The following SYCP2L variants were observed in gnomAD, a reference collection of about 807,000 sequenced individuals.
SYCP2L encodes the protein synaptonemal complex protein 2 like.
A neutral mutation model predicts 125.8 loss-of-function variants in SYCP2L; 98 were observed. That is an observed-to-expected ratio of 0.78 (90% CI 0.66 to 0.92). SYCP2L has a LOEUF of 0.92. SYCP2L is among the 40% of genes least tolerant of loss of function. The pLI is 0.00. For missense variants in SYCP2L, 842 were observed against 936.4 expected, an observed-to-expected ratio of 0.90 and a Z score of 1.32; for synonymous variants, 317 against 325.4, an observed-to-expected ratio of 0.97 and a Z score of 0.28.
At chr6:10,953,083 T>C (rs1033812907) in intron 23 of SYCP2L, among the ~76,000 whole-genome samples, 1 of 152,192 alleles carries the variant, frequency 6.6e-6, no homozygotes, top group Non-Finnish European at 1.5e-5. Context: ...TATTATAGAA[T>C]ACTAATTAGG....
In SYCP2L at chr6:10,949,953, A is replaced by C. The variant is rs141137500; in HGVS notation, c.1955-5163A>C. Reference sequence around the variant, plus strand: ...TCTTTCTGTCCTTGCCTTCATTTAGATTTATCATTTTTAATCATTTTCCCC... The same window carrying C: ...TCTTTCTGTCCTTGCCTTCATTTAGCTTTATCATTTTTAATCATTTTCCCC... On this transcript the variant is annotated intron_variant, in intron 23 of 29. Transcript: ENST00000283141. 9.6e-3 allele frequency among the ~76,000 whole-genome samples: 1,460 copies of C among 151,872 alleles called. 9 individuals are homozygous for C. The highest frequency in any genetic ancestry group is 0.02 in the Middle Eastern group (6 of 294).
chr6:10,954,497 C>T lies in SYCP2L; in HGVS notation c.1955-619C>T, dbSNP rs2788874. ...GGAGGAGTTGAGCATAAAGCCAGGG[C>T]TCTGTGAACCATGGTGGTGCCATTG... On this transcript the variant is annotated intron_variant, in intron 23 of 29. Transcript: ENST00000283141. This position sits in a 1 kb window ranked among gnomAD's most constrained non-coding sequence, Gnocchi z 4.8. Among the ~76,000 whole-genome samples the T allele has an allele frequency of 0.92, 140,285 of 152,148 alleles. 65,152 individuals are homozygous for T. Among genetic ancestry groups the T allele is most frequent in the Non-Finnish European group, 0.99 (67,249 of 68,026 alleles).
At chr6:10,909,116 A>ATTTTTTTTTTTTTTTTTTTTTTTTTT (rs67767345) in intron 10 of SYCP2L, among the ~76,000 whole-genome samples, 3 of 94,878 alleles carry the variant, frequency 3.2e-5, no homozygotes, top group Non-Finnish European at 4.0e-5. Flanking sequence ...TCTCAATTGA[A>ATTTTTTTTTTTTTTTTTTTTTTTTTT]TTTTTTTTTT....
chr6:10,952,637 G>A (rs1443326701), intron 23 of SYCP2L, among the ~76,000 whole-genome samples: 2 of 151,566 alleles, frequency 1.3e-5, no homozygotes, highest in African/African-American at 4.9e-5. Flanking sequence ...GAAAAGAAAC[G>A]TGGTGATTGT....
chr6:10,931,278 A>G (rs1354805350), intron 19 of SYCP2L, among the ~76,000 whole-genome samples, 162 bp from the exon 20 acceptor site: 1 of 152,236 alleles, frequency 6.6e-6, no homozygotes, highest in African/African-American at 2.4e-5. Flanking sequence ...GTGGTGAGGA[A>G]CAAGGTTGAA....
At chr6:10,939,119 CA>C (rs112513773) in intron 21 of SYCP2L, among the ~76,000 whole-genome samples, 6,598 of 129,982 alleles carry the variant, frequency 0.051, 310 homozygotes, top group East Asian at 0.23. Flanking sequence ...GACTCCATCT[CA>C]AAAAAAAAAA....
At chr6:10,943,730 A>G (rs1380835525) in intron 23 of SYCP2L, among the ~76,000 whole-genome samples, 1 of 152,100 alleles carries the variant, frequency 6.6e-6, no homozygotes, top group African/African-American at 2.4e-5. Flanking sequence ...ACTTCTTTTT[A>G]TAATTTTGCT....
intron 23 of SYCP2L, among the ~76,000 whole-genome samples, chr6:10,943,862 A>G (rs1726147026): frequency 6.6e-6 from 1 of 152,226 alleles, no homozygotes; most frequent in South Asian, 2.1e-4. Context: ...TGTGAGATCC[A>G]TTCATGCTAA....
chr6:10,921,113 T>C (rs146950045), intron 14 of SYCP2L, among the ~76,000 whole-genome samples: 1 of 152,320 alleles, frequency 6.6e-6, no homozygotes, highest in Non-Finnish European at 1.5e-5. Context: ...CTCCCACTTA[T>C]AAGTGAGAAC....
chr6:10,959,370 A>C (rs1781558822), intron 26 of SYCP2L, among the ~76,000 whole-genome samples: 1 of 152,246 alleles, frequency 6.6e-6, no homozygotes, highest in Non-Finnish European at 1.5e-5. Context: ...AGAGGCAGAG[A>C]GTGCAACACA....
intron 29 of SYCP2L, among the ~76,000 whole-genome samples, chr6:10,971,980 A>T (rs1482865149): frequency 1.3e-5 from 2 of 152,208 alleles, no homozygotes; most frequent in African/African-American, 4.8e-5. Flanking sequence ...CCAGCCTATA[A>T]ATATGTATTA....
chr6:10,942,847 T>G (rs2113380548), intron 23 of SYCP2L, 101 bp downstream of exon 23: 13 of 1,051,732 alleles, frequency 1.2e-5, no homozygotes, highest in Non-Finnish European at 1.8e-5. Flanking sequence ...TCAAGTCACT[T>G]TGCACAGTGA....
intron 4 of SYCP2L, among the ~76,000 whole-genome samples, chr6:10,895,154 C>G (rs544844261): frequency 1.3e-5 from 2 of 152,152 alleles, no homozygotes; most frequent in Non-Finnish European, 2.9e-5. Context: ...CCTGTTGATA[C>G]GCCAACTTCT....
intron 4 of SYCP2L, among the ~76,000 whole-genome samples, chr6:10,897,659 G>A (rs1284049019): frequency 2.6e-5 from 4 of 152,070 alleles, no homozygotes; most frequent in South Asian, 2.1e-4. Context: ...TGATCCACCT[G>A]TCTCGGCCTC....
At chr6:10,904,340 G>A (rs1039041688) in intron 8 of SYCP2L, among the ~76,000 whole-genome samples, 3 of 152,182 alleles carry the variant, frequency 2.0e-5, no homozygotes, top group Non-Finnish European at 4.4e-5. Context: ...CCACGACTGC[G>A]CTAACAACCA....
chr6:10,955,033 A>G, intron 23 of SYCP2L, 83 bp from the exon 24 acceptor site: 1 of 905,968 alleles, frequency 1.1e-6, no homozygotes, highest in Non-Finnish European at 1.8e-6. Context: ...TTCAGATGGT[A>G]CTCTTCACAG....
intron 2 of SYCP2L, among the ~76,000 whole-genome samples, chr6:10,892,766 G>A (rs1388346319): frequency 6.6e-6 from 1 of 151,838 alleles, no homozygotes; most frequent in African/African-American, 2.4e-5. Context: ...TAACACACTT[G>A]GCACAAAAAA....
chr6:10,889,212 C>T (rs1324139443), intron 1 of SYCP2L, among the ~76,000 whole-genome samples: 1 of 152,168 alleles, frequency 6.6e-6, no homozygotes, highest in African/African-American at 2.4e-5. Flanking sequence ...TCACTTTTGC[C>T]TCTACTCAAT....
intron 6 of SYCP2L, among the ~76,000 whole-genome samples, chr6:10,899,625 G>A (rs1475919185): frequency 6.6e-6 from 1 of 152,192 alleles, no homozygotes; most frequent in Non-Finnish European, 1.5e-5. Flanking sequence ...TTTGGAAATT[G>A]GAGCCATCTT....
Sources: allele counts gnomAD v4.1 joint callset (sites outside exome capture counted in the v4.1 genomes callset), GRCh38; gene constraint gnomAD v4.1.1; non-coding constraint Gnocchi (gnomAD v3.1); transcripts MANE v1.5; gene names NCBI Gene and HGNC (gene_info 2026-07-23, HGNC 2026-07-21).